Variants in PAWR observed in about 807,000 individuals in gnomAD.
PAWR encodes PRKC apoptosis WT1 regulator protein.
A neutral mutation model predicts 32.0 loss-of-function variants in PAWR; 23 were observed. The ratio of observed to expected loss-of-function variants is 0.72; its 90% CI spans 0.52 to 1.02. PAWR has a LOEUF of 1.02. PAWR is among the 50% of genes least tolerant of loss of function. PAWR has a pLI of 0.00. For synonymous variants in PAWR, 226 were observed against 187.1 expected (o/e 1.21, Z -1.70); for missense variants, 457 against 437.7 (o/e 1.04, Z -0.39).
At chr12:79,670,789 G>T (rs1278499786) in intron 2 of PAWR, among the ~76,000 whole-genome samples, 2 of 151,414 alleles carry the variant, frequency 1.3e-5, no homozygotes, top group African/African-American at 4.8e-5. Flanking sequence ...AAGATTTTGT[G>T]ATTTTAAAGC....
Position 79,591,464 on chromosome 12 carries a change from G to A in PAWR, c.*1143C>T, listed in dbSNP as rs191152834. On this transcript the variant is annotated 3_prime_UTR_variant, in exon 7 of 7. Transcript: ENST00000328827. ...ATGTCATAATTTTAATGTATTTTAA[G>A]GGAAGACGGGGTTCTTAACATGAAT... is the stretch of plus-strand genomic sequence containing the variant. 1 of 151,976 alleles carries A rather than the reference G, an allele frequency of 6.6e-6. No homozygotes were observed. Among genetic ancestry groups the A allele is most frequent in the South Asian group, 2.1e-4 (1 of 4,824 alleles). 9.4% of individuals were successfully genotyped at this position (151,976 alleles called of 1,614,324 possible). A position where few individuals can be genotyped will look rare whatever the true frequency, so the allele number is the denominator to read the frequency against.
intron 4 of PAWR, among the ~76,000 whole-genome samples, chr12:79,599,250 T>G (rs1247667810): frequency 6.6e-6 from 1 of 152,224 alleles, no homozygotes; most frequent in East Asian, 1.9e-4. Context: ...TGATAACAGC[T>G]GATCAGCTAA....
intron 2 of PAWR, among the ~76,000 whole-genome samples, chr12:79,655,298 C>T (rs1877045166): frequency 6.6e-6 from 1 of 152,196 alleles, no homozygotes; most frequent in South Asian, 2.1e-4. Flanking sequence ...CAATTAGCTC[C>T]AGGCCGCCAC....
Position 79,587,608 on chromosome 12 carries a change from T to C in PAWR, c.*4999A>G, listed in dbSNP as rs1873422235. Reference sequence around the variant, plus strand: ...CTAATGTATTTAGACCTTAATATGATGGCTTTGAGTCTTAAATCATTGTCC... The same window carrying C: ...CTAATGTATTTAGACCTTAATATGACGGCTTTGAGTCTTAAATCATTGTCC... On this transcript the variant is annotated 3_prime_UTR_variant, in exon 7 of 7. Coordinates refer to ENST00000328827, the MANE Select transcript of PAWR (RefSeq NM_002583.4). The C allele has an allele frequency of 6.6e-6, 1 of 152,032 alleles. No individual in the cohort carries two copies. The highest frequency in any genetic ancestry group is 2.1e-4 in the South Asian group (1 of 4,832). 9.4% of individuals were successfully genotyped at this position (152,032 alleles called of 1,614,324 possible).
chr12:79,593,700 G>GATTTTTTTTTTTTT (rs1278954828), intron 6 of PAWR, among the ~76,000 whole-genome samples: 1 of 145,254 alleles, frequency 6.9e-6, no homozygotes, highest in Non-Finnish European at 1.5e-5. Flanking sequence ...CCAATTTTAG[G>GATTTTTTTTTTTTT]GTTTTTTTTT....
Position 79,589,608 on chromosome 12 carries a change from G to C in PAWR, c.*2999C>G, listed in dbSNP as rs765969049. ...AGTACCTATAAATACACACCCAAAA[G>C]CCCTTCCCTCCTTCTCTAATGGTAA... On this transcript the variant is annotated 3_prime_UTR_variant, in exon 7 of 7. Coordinates refer to ENST00000328827, the MANE Select transcript of PAWR (RefSeq NM_002583.4). 8 of 151,926 alleles carry C rather than the reference G, an allele frequency of 5.3e-5. No individual in the cohort carries two copies. The highest frequency in any genetic ancestry group is 2.6e-4 in the Admixed American group (4 of 15,236). The allele number at this position is 151,926 out of a possible 1,614,324, so 9.4% of individuals were successfully genotyped here.
At chr12:79,598,710 C>T (rs553473861) in intron 4 of PAWR, among the ~76,000 whole-genome samples, 18 of 152,250 alleles carry the variant, frequency 1.2e-4, no homozygotes, top group African/African-American at 3.9e-4. Flanking sequence ...GTTACTATAT[C>T]GTAGAACCCT....
intron 2 of PAWR, among the ~76,000 whole-genome samples, chr12:79,651,258 G>GT (rs1308180063): frequency 1.3e-5 from 2 of 152,124 alleles, no homozygotes; most frequent in South Asian, 2.1e-4. Flanking sequence ...TTTATTCTAA[G>GT]TGACCGAACA....
chr12:79,601,889 C>T (rs1459140694), intron 4 of PAWR, among the ~76,000 whole-genome samples: 10 of 152,110 alleles, frequency 6.6e-5, no homozygotes. Flanking sequence ...AAAAGTTTCA[C>T]TTAAAACCTC....
At position 79,588,494 on chromosome 12, in the gene PAWR, TTA is replaced by T. The variant is rs779753246; in HGVS notation, c.*4111_*4112del. On this transcript the variant is annotated 3_prime_UTR_variant, in exon 7 of 7. Coordinates refer to ENST00000328827, the MANE Select transcript of PAWR (RefSeq NM_002583.4). Reference sequence around the variant, plus strand: ...ACCATTCAGTAAATGTTGTAGCAAATTAAATAGAACCTATTAACTAGATCTAA... The same window carrying T: ...ACCATTCAGTAAATGTTGTAGCAAATAATAGAACCTATTAACTAGATCTAA... 1 of 151,954 alleles carries T rather than the reference TTA, an allele frequency of 6.6e-6. No homozygotes were observed. Among genetic ancestry groups the T allele is most frequent in the Non-Finnish European group, 1.5e-5 (1 of 67,850 alleles). 9.4% of individuals were successfully genotyped at this position (151,954 alleles called of 1,614,324 possible). A position where few individuals can be genotyped will look rare whatever the true frequency, so the allele number is the denominator to read the frequency against.
At chr12:79,686,211 T>C (rs1011611190) in intron 2 of PAWR, among the ~76,000 whole-genome samples, 2 of 152,186 alleles carry the variant, frequency 1.3e-5, no homozygotes, top group African/African-American at 4.8e-5. Flanking sequence ...CATTAACCCA[T>C]TCACACAACC....
chr12:79,602,164 T>C (rs918025307), intron 4 of PAWR, among the ~76,000 whole-genome samples: 3 of 152,178 alleles, frequency 2.0e-5, no homozygotes, highest in African/African-American at 7.2e-5. Context: ...CAAATGACCA[T>C]CTGACACATA....
intron 2 of PAWR, among the ~76,000 whole-genome samples, chr12:79,648,753 C>T (rs1876699040): frequency 6.7e-6 from 1 of 149,932 alleles, no homozygotes; most frequent in Non-Finnish European, 1.5e-5. Flanking sequence ...TATGCCTTTG[C>T]ACTCCATCCT....
intron 3 of PAWR, among the ~76,000 whole-genome samples, chr12:79,615,751 A>C (rs1874698976): frequency 1.3e-5 from 2 of 152,176 alleles, no homozygotes; most frequent in Admixed American, 1.3e-4. Context: ...TATGAGTGAT[A>C]ATGATTCATA....
chr12:79,628,870 C>G (rs1875471430), intron 2 of PAWR, among the ~76,000 whole-genome samples: 1 of 151,794 alleles, frequency 6.6e-6, no homozygotes, highest in Non-Finnish European at 1.5e-5. Context: ...GGCACAAAGG[C>G]AGGAAATAAA....
At chr12:79,624,900 T>C (rs1264458004) in intron 2 of PAWR, among the ~76,000 whole-genome samples, 1 of 152,166 alleles carries the variant, frequency 6.6e-6, no homozygotes, top group Non-Finnish European at 1.5e-5. Flanking sequence ...TATATATAGT[T>C]TCTGTATATA....
At chr12:79,672,655 T>C (rs1444279073) in intron 2 of PAWR, among the ~76,000 whole-genome samples, 1 of 152,036 alleles carries the variant, frequency 6.6e-6, no homozygotes, top group Non-Finnish European at 1.5e-5. Context: ...TCATCAAGTT[T>C]ATTGTGTGTA....
chr12:79,673,152 C>T (rs1211680477), intron 2 of PAWR, among the ~76,000 whole-genome samples: 1 of 152,120 alleles, frequency 6.6e-6, no homozygotes, highest in East Asian at 1.9e-4. Context: ...TCACTGCAAG[C>T]TCCGCCTCCC....
chr12:79,594,654 A>T (rs903866280), intron 5 of PAWR, among the ~76,000 whole-genome samples: 5 of 152,178 alleles, frequency 3.3e-5, no homozygotes, highest in Non-Finnish European at 7.4e-5. Context: ...CTATGTTTAT[A>T]CAAGTCTTTA....
Sources: gnomAD v4.1 joint callset for allele counts (sites outside exome capture counted in the v4.1 genomes callset) on GRCh38, gnomAD v4.1.1 for gene constraint, MANE v1.5 for transcripts, NCBI Gene and HGNC (gene_info 2026-07-23, HGNC 2026-07-21) for gene names.